Variants in CCDC73 observed in about 807,000 individuals in gnomAD.
CCDC73 encodes coiled-coil domain containing 73.
In CCDC73, 95 loss-of-function variants were observed where a neutral mutation model predicts 116.5. The observed-to-expected ratio is 0.82, with a 90% CI of 0.69 to 0.97. The LOEUF is 0.97. CCDC73 is among the 50% of genes least tolerant of loss of function. The pLI is 0.00. For synonymous variants in CCDC73, 398 were observed against 401.3 expected (o/e 0.99, Z 0.10); for missense variants, 1,066 against 1,206.8 (o/e 0.88, Z 1.73).
intron 17 of CCDC73, among the ~76,000 whole-genome samples, chr11:32,608,018 G>C (rs1287312137): frequency 4.4e-5 from 3 of 68,256 alleles, no homozygotes; most frequent in Non-Finnish European, 1.0e-4. Flanking sequence ...GCATAGGAAA[G>C]ACCGGCCCCC....
Position 32,782,294 on chromosome 11 carries a change from C to T in CCDC73, c.-16+12319G>A, listed in dbSNP as rs189304685. On this transcript the variant is annotated intron_variant, in intron 1 of 17. Coordinates refer to ENST00000335185, the MANE Select transcript of CCDC73 (RefSeq NM_001008391.4). The stretch of plus-strand genomic sequence containing the variant: ...TAATGTGCCTGAATCATCCTGAAAC[C>T]ATCTTCCCCCAGCCCCAGTCTGTGG... Among the ~76,000 whole-genome samples the T allele has an allele frequency of 2.4e-4, 36 of 152,250 alleles. 1 individual carries two copies. The East Asian group carries it at 6.8e-3, about 29-fold the overall frequency.
intron 2 of CCDC73, among the ~76,000 whole-genome samples, chr11:32,730,558 A>G (rs1258332316): frequency 4.6e-5 from 7 of 152,180 alleles, no homozygotes; most frequent in Admixed American, 2.0e-4. Flanking sequence ...GTTGCTTTGA[A>G]TATAATTAAT....
the CCDC73 span, among the ~76,000 whole-genome samples, chr11:32,828,476 C>T: frequency 6.7e-6 from 1 of 149,796 alleles, no homozygotes. Flanking sequence ...TGCCACTGTA[C>T]TCCAGCCTGG....
At chr11:32,792,275 A>C (rs532742914) in intron 1 of CCDC73, among the ~76,000 whole-genome samples, 1 of 152,046 alleles carries the variant, frequency 6.6e-6, no homozygotes, top group South Asian at 2.1e-4. Flanking sequence ...TTTTTTTTTA[A>C]TGAAAGGCTA....
At chr11:32,655,477 C>T (rs1855863315) in intron 9 of CCDC73, among the ~76,000 whole-genome samples, 1 of 152,106 alleles carries the variant, frequency 6.6e-6, no homozygotes, top group African/African-American at 2.4e-5. Flanking sequence ...GCAAAGAAGA[C>T]AACAAAGGGG....
chr11:32,758,457 CTTATGAGG>C (rs1381068463), intron 2 of CCDC73: 1 of 467,132 alleles, frequency 2.1e-6, no homozygotes. Context: ...ACCTAAAGTT[CTTATGAGG>C]TTATCTTGAA....
chr11:32,685,506 C>G (rs977087517), intron 6 of CCDC73, among the ~76,000 whole-genome samples: 1 of 151,790 alleles, frequency 6.6e-6, no homozygotes, highest in Non-Finnish European at 1.5e-5. Flanking sequence ...TGGAATAAGG[C>G]CTAGTGTGTT....
chr11:32,811,125 G>GCA, the CCDC73 span, among the ~76,000 whole-genome samples: 63 of 151,074 alleles, frequency 4.2e-4, no homozygotes, highest in Non-Finnish European at 7.7e-4. Flanking sequence ...TTTATGTGAT[G>GCA]CACACACACA....
chr11:32,800,432 T>A, the CCDC73 span, among the ~76,000 whole-genome samples: 1 of 152,120 alleles, frequency 6.6e-6, no homozygotes, highest in East Asian at 1.9e-4. Flanking sequence ...TATATATTTT[T>A]AAAAGTTATT....
chr11:32,692,129 T>C (rs1856265971), intron 6 of CCDC73, among the ~76,000 whole-genome samples: 1 of 152,108 alleles, frequency 6.6e-6, no homozygotes, highest in Non-Finnish European at 1.5e-5. Flanking sequence ...CTAGGAGTTT[T>C]TTAGCTTTGT....
chr11:32,821,500 A>T, the CCDC73 span, among the ~76,000 whole-genome samples: 19 of 152,310 alleles, frequency 1.2e-4, no homozygotes, highest in Admixed American at 3.3e-4. Context: ...TGGATGTCTT[A>T]CAAAGGCACA....
the CCDC73 span, among the ~76,000 whole-genome samples, chr11:32,827,841 C>T: frequency 5.9e-5 from 9 of 152,192 alleles, no homozygotes. Flanking sequence ...ATCTCCCCAC[C>T]AGGAGGTCTC....
At chr11:32,627,063 C>T (rs1016652935) in intron 14 of CCDC73, among the ~76,000 whole-genome samples, 1 of 152,126 alleles carries the variant, frequency 6.6e-6, no homozygotes, top group African/African-American at 2.4e-5. Flanking sequence ...TTTTTGCATT[C>T]TACTCATCTG....
chr11:32,778,592 ACC>A (rs1850556461), intron 1 of CCDC73, among the ~76,000 whole-genome samples: 1 of 152,052 alleles, frequency 6.6e-6, no homozygotes, highest in African/African-American at 2.4e-5. Flanking sequence ...CAGGCGGATC[ACC>A]TGAGGTCAGG....
the CCDC73 span, among the ~76,000 whole-genome samples, chr11:32,803,852 G>A: frequency 5.9e-5 from 9 of 152,286 alleles, no homozygotes; most frequent in Admixed American, 3.3e-4. Flanking sequence ...CTGTCACCAG[G>A]CTGGAGTGCA....
At chr11:32,631,597 GGAAGGAAA>G in intron 14 of CCDC73, among the ~76,000 whole-genome samples, 1 of 149,016 alleles carries the variant, frequency 6.7e-6, no homozygotes, top group Non-Finnish European at 1.5e-5. Context: ...AGGAAGGAAA[GGAAGGAAA>G]GGAAGGGAAG....
intron 2 of CCDC73, among the ~76,000 whole-genome samples, chr11:32,747,209 TG>T (rs148968731): frequency 0.029 from 4,412 of 152,268 alleles, 81 homozygotes; most frequent in Non-Finnish European, 0.039. Context: ...TGTTGGAGTT[TG>T]CTGGAGGTCC....
At chr11:32,778,236 A>G (rs934737861) in intron 1 of CCDC73, among the ~76,000 whole-genome samples, 1 of 152,222 alleles carries the variant, frequency 6.6e-6, no homozygotes, top group Non-Finnish European at 1.5e-5. Flanking sequence ...CTACTGAGTC[A>G]GAAAATGGGG....
At chr11:32,611,691 T>C (rs1855424093) in intron 16 of CCDC73, among the ~76,000 whole-genome samples, 1 of 152,160 alleles carries the variant, frequency 6.6e-6, no homozygotes, top group African/African-American at 2.4e-5. Context: ...TTTAAAGAAA[T>C]TGGCCACAGT....
Sources: gnomAD v4.1 joint callset for allele counts (sites outside exome capture counted in the v4.1 genomes callset) on GRCh38, gnomAD v4.1.1 for gene constraint, MANE v1.5 for transcripts, NCBI Gene and HGNC (gene_info 2026-07-23, HGNC 2026-07-21) for gene names.